Variants in BMP6 observed in about 807,000 individuals in gnomAD.
The protein encoded by BMP6 is bone morphogenetic protein 6, also known as VG-1-R.
Under a neutral mutation model 54.1 loss-of-function variants are expected in BMP6, and 17 were observed. The observed-to-expected ratio is 0.31, with a 90% CI of 0.22 to 0.47. BMP6 has a LOEUF of 0.47. BMP6 is among the 20% of genes least tolerant of loss of function. The probability of loss-of-function intolerance (pLI) is 1.00; values close to 1 mark genes in which losing one functional copy is unlikely to be tolerated. For synonymous variants in BMP6, 328 were observed against 291.2 expected (o/e 1.13, Z -1.28); for missense variants, 720 against 690.4 (o/e 1.04, Z -0.48).
At chr6:7,728,257 A>G (rs1761784722) in intron 1 of BMP6, among the ~76,000 whole-genome samples, 1 of 152,198 alleles carries the variant, frequency 6.6e-6, no homozygotes, top group South Asian at 2.1e-4. Context: ...GCGGGATGAA[A>G]GCTCAACTGG....
chr6:7,733,569 G>T (rs746166095), intron 1 of BMP6, among the ~76,000 whole-genome samples: 1 of 152,176 alleles, frequency 6.6e-6, no homozygotes, highest in Admixed American at 6.5e-5. Flanking sequence ...TGCTCCAGCC[G>T]CAGGGTGTCA....
intron 1 of BMP6, among the ~76,000 whole-genome samples, chr6:7,814,652 G>A (rs562883342): frequency 6.6e-6 from 1 of 152,266 alleles, no homozygotes; most frequent in East Asian, 1.9e-4. Flanking sequence ...ATGTAATGAT[G>A]TGAGGGTCAG....
At chr6:7,792,400 CTGGG>C (rs1394256754) in intron 1 of BMP6, among the ~76,000 whole-genome samples, 2 of 152,196 alleles carry the variant, frequency 1.3e-5, no homozygotes, top group African/African-American at 4.8e-5. Context: ...AGTTCTCCCT[CTGGG>C]TGGATATTCC....
intron 2 of BMP6, among the ~76,000 whole-genome samples, chr6:7,854,041 A>G (rs1759186582): frequency 6.6e-6 from 1 of 152,236 alleles, no homozygotes; most frequent in Non-Finnish European, 1.5e-5. Flanking sequence ...TATACACTCA[A>G]AAGAATGCTA....
At chr6:7,858,631 T>C (rs926449123) in intron 2 of BMP6, among the ~76,000 whole-genome samples, 4 of 151,824 alleles carry the variant, frequency 2.6e-5, no homozygotes, top group African/African-American at 9.7e-5. Context: ...ACCTTGAGAC[T>C]CTCTCTGGGG....
rs185620255 is a variant in BMP6 at position 7,861,244 on chromosome 6, C to T, written c.858-207C>T. Among the ~76,000 whole-genome samples the T allele has an allele frequency of 1.4e-3, 216 of 152,184 alleles. 1 individual carries two copies. The highest frequency in any genetic ancestry group is 1.4e-3 in the Non-Finnish European group (97 of 68,020). The stretch of plus-strand genomic sequence containing the variant: ...AGCTGATTTCTATGAAGCGCCTTAT[C>T]AGATGTGCCTGTCTCTCCTAATTGT... On this transcript the variant is annotated intron_variant, in intron 2 of 6. Transcript: ENST00000283147.
chr6:7,770,182 A>G (rs1757761626), intron 1 of BMP6, among the ~76,000 whole-genome samples: 1 of 152,214 alleles, frequency 6.6e-6, no homozygotes, highest in Admixed American at 6.5e-5. Context: ...GCAGTGGAGC[A>G]TTTTAAATGA....
intron 1 of BMP6, among the ~76,000 whole-genome samples, chr6:7,738,115 G>A (rs546533437): frequency 3.9e-5 from 6 of 152,244 alleles, no homozygotes; most frequent in African/African-American, 9.6e-5. Flanking sequence ...AGAAAAGGCC[G>A]TAGAAGCACT....
intron 1 of BMP6, among the ~76,000 whole-genome samples, chr6:7,797,088 A>G (rs1758201556): frequency 6.6e-6 from 1 of 152,270 alleles, no homozygotes; most frequent in Non-Finnish European, 1.5e-5. Flanking sequence ...TATTTGTAAT[A>G]TGTTTCAATG....
chr6:7,728,238 C>G (rs554884176), intron 1 of BMP6, among the ~76,000 whole-genome samples: 3 of 152,372 alleles, frequency 2.0e-5, no homozygotes, highest in Non-Finnish European at 2.9e-5. Flanking sequence ...GGGCTCGCTT[C>G]TGTTTGGGGC....
intron 4 of BMP6, among the ~76,000 whole-genome samples, chr6:7,874,225 A>C (rs1474762971): frequency 7.2e-5 from 11 of 152,182 alleles, no homozygotes. Flanking sequence ...ATCCAGGCAC[A>C]TGGCCACAGC....
intron 1 of BMP6, among the ~76,000 whole-genome samples, chr6:7,739,765 A>T (rs975068755): frequency 6.6e-6 from 1 of 151,988 alleles, no homozygotes; most frequent in Admixed American, 6.6e-5. Flanking sequence ...ATCCCCATCC[A>T]TCTGCTGAAA....
rs74860602 is a variant in BMP6 at position 7,730,544 on chromosome 6, G to A, written c.664+2925G>A. On this transcript the variant is annotated intron_variant, in intron 1 of 6. Coordinates refer to ENST00000283147, the MANE Select transcript of BMP6 (RefSeq NM_001718.6). ...CCTTTTGCGGGTAAGTAGAATCCAA[G>A]CAGCAAGCCATGCCACCTGCCAATG... is the stretch of plus-strand genomic sequence containing the variant. 1.6e-4 allele frequency among the ~76,000 whole-genome samples: 24 copies of A among 152,310 alleles called. 1 individual carries two copies. In the East Asian group the frequency reaches 4.6e-3, roughly 29 times the overall value.
At chr6:7,804,678 T>C (rs1407275859) in intron 1 of BMP6, among the ~76,000 whole-genome samples, 1 of 152,214 alleles carries the variant, frequency 6.6e-6, no homozygotes, top group South Asian at 2.1e-4. Context: ...CCAGTCACAG[T>C]GCTGGGTTTG....
At chr6:7,780,166 G>T (rs1421578108) in intron 1 of BMP6, among the ~76,000 whole-genome samples, 1 of 152,224 alleles carries the variant, frequency 6.6e-6, no homozygotes, top group Admixed American at 6.5e-5. Context: ...TCGCACTTGT[G>T]TTGTGTTTCT....
chr6:7,876,574 A>T (rs983510123), intron 4 of BMP6, among the ~76,000 whole-genome samples: 19 of 152,230 alleles, frequency 1.2e-4, no homozygotes, highest in Non-Finnish European at 2.4e-4. Flanking sequence ...GATTTCAAAT[A>T]TACTGTTGAA....
At chr6:7,852,447 C>T (rs946203391) in intron 2 of BMP6, among the ~76,000 whole-genome samples, 17 of 152,226 alleles carry the variant, frequency 1.1e-4, no homozygotes, top group African/African-American at 3.6e-4. Context: ...GCTGGTGGCT[C>T]ATGCCTTTAG....
intron 1 of BMP6, among the ~76,000 whole-genome samples, chr6:7,813,271 T>TAAAACAC (rs1758467895): frequency 6.9e-6 from 1 of 144,216 alleles, no homozygotes; most frequent in African/African-American, 2.5e-5. Context: ...TTGATTTTTA[T>TAAAACAC]AAAACACCTC....
rs754049254 is a variant in BMP6 at position 7,862,314 on chromosome 6, C to T, written c.1020C>T (p.His340=). The change falls in exon 4 of 7, where the codon CAC becomes CAT. Residue 340 remains histidine, a synonymous_variant. Coordinates refer to ENST00000283147, the MANE Select transcript of BMP6 (RefSeq NM_001718.6). ...SVVTRDGVHV[H]PRAAGLVGRD... ...TTTGCATTAAAGGAGTCCACGTCCA[C>T]CCCCGAGCCGCAGGCCTGGTGGGCA... is the stretch of plus-strand genomic sequence containing the variant. 6.2e-7 allele frequency: 1 copy of T among 1,614,206 alleles called. No homozygotes were observed. The highest frequency in any genetic ancestry group is 8.5e-7 in the Non-Finnish European group (1 of 1,180,030).
Sources: allele counts gnomAD v4.1 joint callset (sites outside exome capture counted in the v4.1 genomes callset), GRCh38; gene constraint gnomAD v4.1.1; transcripts MANE v1.5; gene names NCBI Gene and HGNC (gene_info 2026-07-23, HGNC 2026-07-21).